Variants in ASPSCR1 observed in about 807,000 individuals in gnomAD.
ASPSCR1 encodes the protein ASPSCR1 tether for SLC2A4, UBX domain containing.
In ASPSCR1, 55 loss-of-function variants were observed where a neutral mutation model predicts 68.9. The ratio of observed to expected loss-of-function variants is 0.80; its 90% CI spans 0.64 to 1.00. ASPSCR1 has a LOEUF of 1.00. ASPSCR1 is among the 50% of genes least tolerant of loss of function. ASPSCR1 has a pLI of 0.00. For missense variants in ASPSCR1, 765 were observed against 762.2 expected (o/e 1.00, Z -0.04); for synonymous variants, 352 against 332.6 (o/e 1.06, Z -0.63).
rs774997854 is a variant in ASPSCR1 at position 81,979,195 on chromosome 17, C to A, written c.114C>A (p.Asp38Glu). The change falls in exon 2 of 16, where the codon GAC (aspartate) becomes GAA (glutamate). Residue 38 changes from aspartate to glutamate, a missense_variant. Transcript: ENST00000306739. ...PSTVLLQVLE[D>E]TCRRQDFNPC... ...CATCTCACCCCCAGGTTCTGGAGGA[C>A]ACGTGCCGGCGGCAGGACTTCAACC... 1 of 1,614,148 alleles carries A rather than the reference C, an allele frequency of 6.2e-7. No individual in the cohort carries two copies.
chr17:81,985,377 G>A, intron 3 of ASPSCR1, 130 bp from the exon 4 acceptor site: 1 of 885,332 alleles, frequency 1.1e-6, no homozygotes, highest in Non-Finnish European at 1.7e-6. Context: ...CCTTCTCCGT[G>A]GGGGTCAGCC....
chr17:81,978,814 A>G (rs943972948), intron 1 of ASPSCR1: 10 of 322,902 alleles, frequency 3.1e-5, no homozygotes, highest in Non-Finnish European at 4.2e-5. Context: ...GGTGCACAGA[A>G]CCGTGCCAGA....
At position 82,015,436 on chromosome 17, in the gene ASPSCR1, A is replaced by G. The variant is rs576648146; in HGVS notation, c.1354-1040A>G. On this transcript the variant is annotated intron_variant, in intron 12 of 15. Transcript: ENST00000306739. Reference sequence around the variant, plus strand: ...TGCCCCAGGCCTGGCTGCCAAGCCTACTTCCCTCTCCTGGTGTTCCCGAGT... The same window carrying G: ...TGCCCCAGGCCTGGCTGCCAAGCCTGCTTCCCTCTCCTGGTGTTCCCGAGT... 6 of 1,478,860 alleles carry G rather than the reference A, an allele frequency of 4.1e-6. No homozygotes were observed. In the South Asian group the frequency reaches 7.8e-5, roughly 19 times the overall value. The allele number at this position is 1,478,860 out of a possible 1,614,324, so 91.6% of individuals were successfully genotyped here. A position where few individuals can be genotyped will look rare whatever the true frequency, so the allele number is the denominator to read the frequency against.
chr17:82,008,960 G>A (rs896302258), intron 7 of ASPSCR1, 77 bp from the exon 8 acceptor site: 12 of 1,421,216 alleles, frequency 8.4e-6, no homozygotes, highest in East Asian at 8.0e-5. Context: ...TGACCACCTC[G>A]GCTGGGGCAC....
intron 7 of ASPSCR1, among the ~76,000 whole-genome samples, chr17:82,003,571 C>T (rs558511205): frequency 1.3e-4 from 20 of 152,366 alleles, no homozygotes; most frequent in Middle Eastern, 3.4e-3. Context: ...GGGGCGGCGC[C>T]GTCTCCTCTG....
intron 12 of ASPSCR1, chr17:82,013,543 G>C (rs1229917738): frequency 6.6e-6 from 1 of 152,232 alleles, no homozygotes; most frequent in African/African-American, 2.4e-5. Flanking sequence ...CTGCCTCCCT[G>C]GCAGGCAAGC....
In ASPSCR1 at chr17:81,983,375, G is replaced by A. The variant is rs550787693; in HGVS notation, c.159-179G>A. The stretch of plus-strand genomic sequence containing the variant: ...TGCTTGCAGGAGGCCCCATATGATC[G>A]GGGACCCGCCTTGTGCCTCTGCAGG... On this transcript the variant is annotated intron_variant, in intron 2 of 15. Transcript: ENST00000306739. The surrounding 1 kb of genome is among the most constrained non-coding windows in gnomAD (Gnocchi z 4.4). Among the ~76,000 whole-genome samples the A allele has an allele frequency of 5.9e-5, 9 of 152,042 alleles. No individual in the cohort carries two copies. Among genetic ancestry groups the A allele is most frequent in the Admixed American group, 3.9e-4 (6 of 15,250 alleles).
rs1018519474 is a variant in ASPSCR1 at position 82,010,255 on chromosome 17, C to A, written c.1171-547C>A. On this transcript the variant is annotated intron_variant, in intron 9 of 15. Transcript: ENST00000306739. ...CTTTAAACAGCACATTTGAGCCGGG[C>A]GTGGTGGCTCACGCCTGTAATCCCA... is the stretch of plus-strand genomic sequence containing the variant. Among the ~76,000 whole-genome samples the A allele has an allele frequency of 2.1e-4, 31 of 147,926 alleles. 1 individual carries two copies. Among genetic ancestry groups the A allele is most frequent in the Admixed American group, 1.9e-3 (29 of 14,878 alleles).
Position 82,016,175 on chromosome 17 carries a change from G to A in ASPSCR1, c.1354-301G>A, listed in dbSNP as rs547114933. 5 of 411,144 alleles carry A rather than the reference G, an allele frequency of 1.2e-5. No homozygotes were observed. The East Asian group carries it at 1.9e-4, about 16-fold the overall frequency. 25.5% of individuals were successfully genotyped at this position (411,144 alleles called of 1,614,324 possible). A position where few individuals can be genotyped will look rare whatever the true frequency, so the allele number is the denominator to read the frequency against. ...CCTGGCCCCACCTTCCTCGGGTGCA[G>A]AGGCCAGAGGAGGGAGGACGGTGAT... On this transcript the variant is annotated intron_variant, in intron 12 of 15. Transcript: ENST00000306739.
rs184591864 is a variant in ASPSCR1 at position 81,990,210 on chromosome 17, G to A, written c.374+4603G>A. The stretch of plus-strand genomic sequence containing the variant: ...CACGTAGTCAGTAGAAAAGTGAGCC[G>A]TCTCATGCTCTTGTTGTGCAGAGTC... On this transcript the variant is annotated intron_variant, in intron 4 of 15. Coordinates refer to ENST00000306739, the MANE Select transcript of ASPSCR1 (RefSeq NM_024083.4). This position sits in a 1 kb window ranked among gnomAD's most constrained non-coding sequence, Gnocchi z 4.1. Among the ~76,000 whole-genome samples, 7 of 152,318 alleles carry A rather than the reference G, an allele frequency of 4.6e-5. No homozygotes were observed. The highest frequency in any genetic ancestry group is 1.9e-4 in the East Asian group (1 of 5,190).
In ASPSCR1 at chr17:81,986,314, C is replaced by T. The variant is rs539718173; in HGVS notation, c.374+707C>T. Among the ~76,000 whole-genome samples the T allele has an allele frequency of 6.6e-6, 1 of 152,244 alleles. No homozygotes were observed. Among genetic ancestry groups the T allele is most frequent in the South Asian group, 2.1e-4 (1 of 4,822 alleles). On this transcript the variant is annotated intron_variant, in intron 4 of 15. Transcript: ENST00000306739. This position sits in a 1 kb window ranked among gnomAD's most constrained non-coding sequence, Gnocchi z 5.2. The stretch of plus-strand genomic sequence containing the variant: ...GTGCATGGTGGTGCGTGCCTGTGGT[C>T]CCAGCTATGCCAGAGGCTGAGGTGG...
chr17:81,983,566 C>T lies in ASPSCR1; in HGVS notation c.171C>T (p.Ser57=), dbSNP rs202095235. ...GTCTGTCTTGCAGGTTTCAGAGGAG[C>T]GTGCTCGACCTTTCTCTCCAGTGGA... ...PCEYDLKFQR[S]VLDLSLQWRF... The change falls in exon 3 of 16, where the codon AGC becomes AGT. Residue 57 remains serine, a synonymous_variant. Transcript: ENST00000306739. This position sits in a 1 kb window ranked among gnomAD's most constrained non-coding sequence, Gnocchi z 4.4. The T allele has an allele frequency of 5.6e-6, 9 of 1,612,320 alleles. No homozygotes were observed. Among genetic ancestry groups the T allele is most frequent in the South Asian group, 3.3e-5 (3 of 90,666 alleles).
intron 4 of ASPSCR1, among the ~76,000 whole-genome samples, chr17:81,991,495 T>C (rs2144028882): frequency 6.6e-6 from 1 of 152,254 alleles, no homozygotes; most frequent in East Asian, 1.9e-4. Context: ...GTGGCCACAC[T>C]CAGGGTGGGT....
rs1307600449 is a variant in ASPSCR1, at chr17:82,011,550, C to G, written c.1245C>G (p.Asp415Glu). The G allele has an allele frequency of 6.3e-7, 1 of 1,581,284 alleles. No homozygotes were observed. The change falls in exon 11 of 16, where the codon GAC becomes GAG. Residue 415 changes from aspartate to glutamate, a missense_variant. Transcript: ENST00000306739. ...GFFRPSETVG[D>E]LRDFVRSHLG... ...TCTTTTTCTCCTCTGCAGTGGGGGA[C>G]TTGCGAGACTTCGTGAGGAGCCACC...
chr17:82,003,572 G>A (rs778395566), intron 7 of ASPSCR1, among the ~76,000 whole-genome samples: 12 of 152,246 alleles, frequency 7.9e-5, no homozygotes, highest in South Asian at 2.1e-4. Flanking sequence ...GGGCGGCGCC[G>A]TCTCCTCTGG....
chr17:82,015,343 TG>T (rs2043086962), intron 12 of ASPSCR1: 1 of 1,597,754 alleles, frequency 6.3e-7, no homozygotes, highest in African/African-American at 1.3e-5. Context: ...CACAAGCACG[TG>T]GGGACAGGCC....
At position 81,986,221 on chromosome 17, in the gene ASPSCR1, CAAGACTAGCCT is replaced by C. The variant is rs1567959166; in HGVS notation, c.374+615_374+625del. On this transcript the variant is annotated intron_variant, in intron 4 of 15. Transcript: ENST00000306739. The surrounding 1 kb of genome is among the most constrained non-coding windows in gnomAD (Gnocchi z 5.2). ...GGCGAATCGCTTGAGCTCATGAGTTCAAGACTAGCCTCGGCAACATAGTGAAACCCCTTCTC... is the reference window on the plus strand; with the variant it reads ...GGCGAATCGCTTGAGCTCATGAGTTCCGGCAACATAGTGAAACCCCTTCTC... Among the ~76,000 whole-genome samples, 1 of 152,036 alleles carries C rather than the reference CAAGACTAGCCT, an allele frequency of 6.6e-6. No individual in the cohort carries two copies. The highest frequency in any genetic ancestry group is 1.5e-5 in the Non-Finnish European group (1 of 67,996).
rs748796428 is a variant in ASPSCR1, at chr17:82,010,810, G to T, written c.1179G>T (p.Leu393=). Reference sequence around the variant, plus strand: ...CCACTTGTCTGGCCTAGGTGGCTCTGAGGGTCCTGTTCCCCGACCGCTACG... The same window carrying T: ...CCACTTGTCTGGCCTAGGTGGCTCTTAGGGTCCTGTTCCCCGACCGCTACG... ...EKLERYPKVA[L]RVLFPDRYVL... Residue 393 remains leucine (L), a synonymous_variant, in exon 10 of 16, where the codon CTG becomes CTT. Coordinates refer to ENST00000306739, the MANE Select transcript of ASPSCR1 (RefSeq NM_024083.4). 6.2e-7 allele frequency: 1 copy of T among 1,613,250 alleles called. No homozygotes were observed. The highest frequency in any genetic ancestry group is 8.5e-7 in the Non-Finnish European group (1 of 1,179,912).
At chr17:81,988,795 G>T (rs969298570) in intron 4 of ASPSCR1, among the ~76,000 whole-genome samples, 19 of 152,290 alleles carry the variant, frequency 1.2e-4, no homozygotes, top group Non-Finnish European at 4.4e-5. Flanking sequence ...GTGTCTCAGG[G>T]CATCCCGGGC....
Sources: gnomAD v4.1 joint callset for allele counts (sites outside exome capture counted in the v4.1 genomes callset) on GRCh38, gnomAD v4.1.1 for gene constraint, Gnocchi (gnomAD v3.1) non-coding constraint, MANE v1.5 for transcripts, NCBI Gene and HGNC (gene_info 2026-07-23, HGNC 2026-07-21) for gene names.